Variants in CEP70 observed in about 807,000 individuals in gnomAD.
CEP70 encodes centrosomal protein 70, also known as centrosomal protein of 70 kDa.
CEP70 carries 70 observed loss-of-function variants against 90.9 expected under a neutral mutation model. The observed-to-expected ratio is 0.77, with a 90% confidence interval of 0.64 to 0.94. The LOEUF (loss-of-function observed/expected upper bound fraction) is 0.94. CEP70 is among the 40% of genes least tolerant of loss of function. CEP70 has a pLI of 0.00. For synonymous variants in CEP70, 220 were observed against 228.3 expected (o/e 0.96, Z 0.33); for missense variants, 648 against 669.0 (o/e 0.97, Z 0.35).
chr3:138,565,627 G>T (rs769755926), intron 6 of CEP70, among the ~76,000 whole-genome samples: 37 of 152,264 alleles, frequency 2.4e-4, no homozygotes, highest in Non-Finnish European at 4.7e-4. Flanking sequence ...GGGAAAACTG[G>T]CTAGCCATAT....
intron 2 of CEP70, among the ~76,000 whole-genome samples, chr3:138,587,887 A>G (rs2042182144): frequency 6.6e-6 from 1 of 152,232 alleles, no homozygotes; most frequent in African/African-American, 2.4e-5. Context: ...ATTGATATCA[A>G]GATAGACAAA....
chr3:138,522,295 A>T (rs1334253826), intron 11 of CEP70, among the ~76,000 whole-genome samples: 2 of 120,778 alleles, frequency 1.7e-5, no homozygotes, highest in African/African-American at 3.5e-5. Context: ...TAAAAAAATT[A>T]AAAAAAAAAA....
intron 6 of CEP70, among the ~76,000 whole-genome samples, chr3:138,569,090 T>C (rs2040989135): frequency 6.6e-6 from 1 of 151,982 alleles, no homozygotes; most frequent in Non-Finnish European, 1.5e-5. Flanking sequence ...GAAACTATGG[T>C]CAATACCAGC....
In CEP70 at chr3:138,585,921, G is replaced by T. The variant is rs904895565; in HGVS notation, c.-6+5933C>A. ...ACTTAAATCTAAGCCCTCAAACTAT[G>T]AAAGTACTACAAAAAAATTGGGGAA... On this transcript the variant is annotated intron_variant, in intron 2 of 17. Transcript: ENST00000264982. Among the ~76,000 whole-genome samples the T allele has an allele frequency of 2.0e-5, 3 of 152,112 alleles. No homozygotes were observed. In the East Asian group the frequency reaches 5.8e-4, roughly 29 times the overall value.
intron 13 of CEP70, among the ~76,000 whole-genome samples, chr3:138,502,900 C>T (rs901031730): frequency 6.6e-6 from 1 of 152,124 alleles, no homozygotes; most frequent in Admixed American, 6.6e-5. Flanking sequence ...CAAGAGTGTA[C>T]TGGGTTGGGG....
intron 2 of CEP70, among the ~76,000 whole-genome samples, chr3:138,577,250 C>T (rs989495102): frequency 3.9e-5 from 6 of 152,076 alleles, no homozygotes; most frequent in African/African-American, 7.2e-5. Flanking sequence ...ATGTAAACGA[C>T]GAGTTAATGG....
In CEP70 at chr3:138,529,306, A is replaced by G; in HGVS notation, c.781-19T>C. 1 of 1,576,592 alleles carries G rather than the reference A, an allele frequency of 6.3e-7. No individual in the cohort carries two copies. The highest frequency in any genetic ancestry group is 1.2e-5 in the South Asian group (1 of 86,140). On this transcript the variant is annotated intron_variant, in intron 9 of 17. Coordinates refer to ENST00000264982, the MANE Select transcript of CEP70 (RefSeq NM_024491.4). ...GTAATGACTGCAACACATTTCATAG[A>G]AAAATAATTAACTTTCTTAGATTAC...
chr3:138,513,574 A>G (rs973201156), intron 11 of CEP70, among the ~76,000 whole-genome samples: 1 of 152,176 alleles, frequency 6.6e-6, no homozygotes, highest in African/African-American at 2.4e-5. Context: ...GTGCTATTCC[A>G]TAGGGAAAAA....
intron 17 of CEP70, chr3:138,497,363 T>C (rs1229058541): frequency 1.6e-6 from 2 of 1,232,276 alleles, no homozygotes; most frequent in East Asian, 5.8e-5. Context: ...AAATGAGCTA[T>C]ACAGAAAAAA....
intron 17 of CEP70, chr3:138,496,684 A>G (rs749277253): frequency 3.0e-6 from 3 of 985,172 alleles, no homozygotes; most frequent in Non-Finnish European, 3.6e-6. Context: ...CTGCACCTAC[A>G]TGCTTAGTGA....
intron 6 of CEP70, among the ~76,000 whole-genome samples, chr3:138,538,349 A>C (rs1653147614): frequency 1.3e-5 from 2 of 152,178 alleles, no homozygotes; most frequent in Admixed American, 6.5e-5. Context: ...AACCCTAGCC[A>C]GCTTTTCCAC....
At chr3:138,553,748 C>T (rs2039794801) in intron 6 of CEP70, among the ~76,000 whole-genome samples, 1 of 152,158 alleles carries the variant, frequency 6.6e-6, no homozygotes, top group South Asian at 2.1e-4. Flanking sequence ...AATTCAACAG[C>T]ATATCAAAAA....
At chr3:138,539,572 G>A (rs2038578565) in intron 6 of CEP70, among the ~76,000 whole-genome samples, 1 of 152,074 alleles carries the variant, frequency 6.6e-6, no homozygotes, top group African/African-American at 2.4e-5. Flanking sequence ...TAGCAGACTG[G>A]ATCAAGCAGA....
At chr3:138,533,636 C>T (rs2038014291) in intron 7 of CEP70, among the ~76,000 whole-genome samples, 1 of 152,120 alleles carries the variant, frequency 6.6e-6, no homozygotes, top group African/African-American at 2.4e-5. Flanking sequence ...ATGCCAACAG[C>T]ACTCATTTTG....
At chr3:138,518,261 G>A (rs927158095) in intron 11 of CEP70, among the ~76,000 whole-genome samples, 1 of 152,202 alleles carries the variant, frequency 6.6e-6, no homozygotes, top group African/African-American at 2.4e-5. Flanking sequence ...TAGGGGCAGG[G>A]CATAGCCAAA....
At chr3:138,574,258 G>C (rs1037361206) in intron 2 of CEP70, among the ~76,000 whole-genome samples, 2 of 152,332 alleles carry the variant, frequency 1.3e-5, no homozygotes, top group South Asian at 4.1e-4. Flanking sequence ...CTTTTCCAAT[G>C]GTCTCAGCAA....
chr3:138,497,268 G>T (rs1245606863), intron 17 of CEP70: 1 of 1,261,568 alleles, frequency 7.9e-7, no homozygotes, highest in Non-Finnish European at 1.0e-6. Context: ...AGTTTTCATT[G>T]ACTCATTCCC....
intron 6 of CEP70, among the ~76,000 whole-genome samples, chr3:138,549,016 A>T (rs2039424898): frequency 6.6e-6 from 1 of 152,140 alleles, no homozygotes; most frequent in Non-Finnish European, 1.5e-5. Context: ...AGCTGAGCAA[A>T]ATAAAGGGGT....
chr3:138,518,450 A>G (rs927106573), intron 11 of CEP70, among the ~76,000 whole-genome samples: 1 of 152,188 alleles, frequency 6.6e-6, no homozygotes, highest in Admixed American at 6.5e-5. Flanking sequence ...GCAGACTGAC[A>G]TCTCACACAG....
Sources: allele counts gnomAD v4.1 joint callset (sites outside exome capture counted in the v4.1 genomes callset), GRCh38; gene constraint gnomAD v4.1.1; transcripts MANE v1.5; gene names NCBI Gene and HGNC (gene_info 2026-07-23, HGNC 2026-07-21).